Variants in YTHDC2 observed in about 807,000 individuals in gnomAD.
YTHDC2 encodes 3'-5' RNA helicase YTHDC2.
YTHDC2 carries 45 observed loss-of-function variants against 174.9 expected under a neutral mutation model. The ratio of observed to expected loss-of-function variants is 0.26; its 90% CI spans 0.20 to 0.33. The LOEUF is 0.33. Ranked by LOEUF, YTHDC2 falls within the 10% of genes least tolerant of loss-of-function variation. The pLI is 1.00. For missense variants in YTHDC2, 1,650 were observed against 1,723.7 expected (o/e 0.96, Z 0.76); for synonymous variants, 657 against 574.5 (o/e 1.14, Z -2.05).
intron 7 of YTHDC2, among the ~76,000 whole-genome samples, chr5:113,536,541 T>TA (rs1775085835): frequency 2.0e-5 from 3 of 151,958 alleles, no homozygotes; most frequent in Non-Finnish European, 2.9e-5. Context: ...AATAAATAAA[T>TA]AAAAATACAA....
At chr5:113,526,508 C>A in intron 3 of YTHDC2, 78 bp from the exon 4 acceptor site, 1 of 1,239,512 alleles carries the variant, frequency 8.1e-7, no homozygotes, top group Non-Finnish European at 1.1e-6. Context: ...CTAGGTTTGG[C>A]AAAAAAAATT....
chr5:113,584,812 T>C (rs796846699), intron 26 of YTHDC2, among the ~76,000 whole-genome samples: 1 of 143,288 alleles, frequency 7.0e-6, no homozygotes. Flanking sequence ...GGTCCCACTC[T>C]TTTACCCAGG....
chr5:113,590,960 T>C lies in YTHDC2; in HGVS notation c.3826-81T>C, dbSNP rs113657357. On this transcript the variant is annotated intron_variant, in intron 26 of 29. Transcript: ENST00000161863. Reference sequence around the variant, plus strand: ...ATGATAAAATATTTTGGCTTATATGTTTATGAAGATGTTATTTAATGGAGC... The same window carrying C: ...ATGATAAAATATTTTGGCTTATATGCTTATGAAGATGTTATTTAATGGAGC... 6.4e-4 allele frequency: 762 copies of C among 1,190,972 alleles called. 6 individuals carry two copies. The African/African-American group carries it at 0.01, about 16-fold the overall frequency. 73.8% of individuals were successfully genotyped at this position (1,190,972 alleles called of 1,614,324 possible). A position where few individuals can be genotyped will look rare whatever the true frequency, so the allele number is the denominator to read the frequency against.
At chr5:113,582,141 T>C (rs3815911) in intron 25 of YTHDC2, 47,080 of 152,492 alleles carry the variant, frequency 0.31, 9,417 homozygotes, top group African/African-American at 0.55. Flanking sequence ...ATACTGCTGA[T>C]TAGCATTCCT....
rs111370379 is a variant in YTHDC2, at chr5:113,544,792, A to G, written c.1495+2289A>G. Among the ~76,000 whole-genome samples, 306 of 151,460 alleles carry G rather than the reference A, an allele frequency of 2.0e-3. 4 individuals are homozygous for G. The highest frequency in any genetic ancestry group is 7.1e-3 in the African/African-American group (293 of 41,282). ...CTTCCCTGGTCTGCCTTCTCTGGAT[A>G]TGTTCTATTTTATCCCTTTTGAAAA... On this transcript the variant is annotated intron_variant, in intron 10 of 29. Transcript: ENST00000161863.
chr5:113,514,682 G>A (rs1435462550), intron 1 of YTHDC2, among the ~76,000 whole-genome samples: 1 of 151,966 alleles, frequency 6.6e-6, no homozygotes, highest in Admixed American at 6.6e-5. Flanking sequence ...CTTAGTTAGG[G>A]GACCTCTTAC....
At chr5:113,556,809 A>T (rs1776640484) in intron 17 of YTHDC2, among the ~76,000 whole-genome samples, 2 of 152,182 alleles carry the variant, frequency 1.3e-5, no homozygotes, top group African/African-American at 4.8e-5. Context: ...GTATGCTTGC[A>T]CACGTGTGCA....
At chr5:113,519,774 T>C (rs1231438588) in intron 2 of YTHDC2, among the ~76,000 whole-genome samples, 1 of 152,238 alleles carries the variant, frequency 6.6e-6, no homozygotes, top group Non-Finnish European at 1.5e-5. Context: ...ATCCTAACAA[T>C]GGTTTTTTAA....
intron 4 of YTHDC2, among the ~76,000 whole-genome samples, chr5:113,529,109 T>C (rs1450478551): frequency 6.6e-6 from 1 of 152,234 alleles, no homozygotes; most frequent in Non-Finnish European, 1.5e-5. Context: ...TGCATAGTAT[T>C]CGTGAACATT....
In YTHDC2 at chr5:113,549,018, C is replaced by T. The variant is rs1368721828; in HGVS notation, c.1686C>T (p.Tyr562=). ...QTEIVDLLES[Y]SATLEFGNLD... The stretch of plus-strand genomic sequence containing the variant: ...AAATTGTGGATCTTCTAGAATCTTA[C>T]AGGTAAAACTTTGTACTATTTTAAA... The change falls in exon 12 of 30, where the codon TAC becomes TAT. Residue 562 remains tyrosine (Y), a splice_region_variant and synonymous_variant. Coordinates refer to ENST00000161863, the MANE Select transcript of YTHDC2 (RefSeq NM_022828.5). 6 of 1,611,324 alleles carry T rather than the reference C, an allele frequency of 3.7e-6. No homozygotes were observed. The highest frequency in any genetic ancestry group is 4.2e-6 in the Non-Finnish European group (5 of 1,178,164).
At chr5:113,562,374 G>A (rs898097562) in intron 18 of YTHDC2, among the ~76,000 whole-genome samples, 9 of 150,438 alleles carry the variant, frequency 6.0e-5, no homozygotes, top group Non-Finnish European at 1.2e-4. Context: ...TGATTCTTTA[G>A]TGTGTTTGGC....
At chr5:113,559,982 T>C (rs1400173635) in intron 17 of YTHDC2, among the ~76,000 whole-genome samples, 1 of 152,240 alleles carries the variant, frequency 6.6e-6, no homozygotes, top group Non-Finnish European at 1.5e-5. Context: ...CAGTAACTTC[T>C]GCTTATTATG....
chr5:113,533,433 C>T (rs961039822), intron 5 of YTHDC2, among the ~76,000 whole-genome samples: 23 of 151,630 alleles, frequency 1.5e-4, no homozygotes, highest in African/African-American at 5.1e-4. Flanking sequence ...CCTGTAATCC[C>T]AGCTACTCGG....
At chr5:113,560,986 G>C (rs964831874) in intron 17 of YTHDC2, 94 bp from the exon 18 acceptor site, 7 of 1,047,212 alleles carry the variant, frequency 6.7e-6, no homozygotes, top group South Asian at 2.2e-5. Context: ...CCTGATCCTG[G>C]ATCATTTTTC....
chr5:113,589,112 T>C (rs1778846742), intron 26 of YTHDC2, among the ~76,000 whole-genome samples: 1 of 151,952 alleles, frequency 6.6e-6, no homozygotes, highest in Admixed American at 6.6e-5. Flanking sequence ...TATACTTTTA[T>C]GTTAATACGA....
rs1561625731 is a variant in YTHDC2, at chr5:113,524,971, T to C, written c.279-10T>C. The C allele has an allele frequency of 1.3e-6, 2 of 1,563,082 alleles. No homozygotes were observed. Among genetic ancestry groups the C allele is most frequent in the East Asian group, 2.4e-5 (1 of 42,098 alleles). On this transcript the variant is annotated splice_polypyrimidine_tract_variant and intron_variant, in intron 2 of 29. Coordinates refer to ENST00000161863, the MANE Select transcript of YTHDC2 (RefSeq NM_022828.5). The stretch of plus-strand genomic sequence containing the variant: ...TATATAGTAAATAAATGATTTTTAT[T>C]AATATTCAGAAAGGGAGCAAATAGA...
intron 24 of YTHDC2, 175 bp from the exon 25 acceptor site, chr5:113,581,242 A>T (rs1414647463): frequency 1.1e-5 from 6 of 547,698 alleles, no homozygotes; most frequent in Non-Finnish European, 1.7e-5. Flanking sequence ...TGCCTAAAAT[A>T]TTATAAATAA....
intron 9 of YTHDC2, 76 bp downstream of exon 9, chr5:113,541,192 ATTTTTT>A: frequency 7.8e-7 from 1 of 1,281,164 alleles, no homozygotes; most frequent in African/African-American, 1.6e-5. Context: ...TGAGCTTATA[ATTTTTT>A]TTTTTTTTTT....
At chr5:113,534,628 A>G (rs530164699) in intron 6 of YTHDC2, among the ~76,000 whole-genome samples, 2 of 152,244 alleles carry the variant, frequency 1.3e-5, no homozygotes, top group East Asian at 3.9e-4. Context: ...TAATAAAGCC[A>G]TTAGGCTTTA....
Sources: allele counts gnomAD v4.1 joint callset (sites outside exome capture counted in the v4.1 genomes callset), GRCh38; gene constraint gnomAD v4.1.1; transcripts MANE v1.5; gene names NCBI Gene and HGNC (gene_info 2026-07-23, HGNC 2026-07-21).